CLOCK: variants seen among roughly 807,000 people sequenced by gnomAD.
The protein encoded by CLOCK is circadian locomoter output cycles protein kaput.
A neutral mutation model predicts 118.4 loss-of-function variants in CLOCK; 43 were observed. The ratio of observed to expected loss-of-function variants is 0.36; its 90% CI spans 0.28 to 0.47. The LOEUF (loss-of-function observed/expected upper bound fraction) is 0.47. CLOCK is among the 20% of genes least tolerant of loss of function. The pLI is 1.00. For synonymous variants in CLOCK, 326 were observed against 339.2 expected (o/e 0.96, Z 0.43); for missense variants, 846 against 999.9 (o/e 0.85, Z 2.08).
chr4:55,464,746 C>A (rs1020556735), intron 8 of CLOCK, among the ~76,000 whole-genome samples: 4 of 152,166 alleles, frequency 2.6e-5, no homozygotes, highest in Admixed American at 2.0e-4. Flanking sequence ...AAAAAACATA[C>A]AACAACAAAC....
intron 2 of CLOCK, among the ~76,000 whole-genome samples, chr4:55,504,832 A>G (rs528196817): frequency 7.9e-5 from 12 of 152,192 alleles, no homozygotes; most frequent in Non-Finnish European, 1.0e-4. Context: ...CCATATTACT[A>G]TAAAATAATT....
intron 1 of CLOCK, among the ~76,000 whole-genome samples, chr4:55,539,910 T>C (rs1731151585): frequency 6.6e-6 from 1 of 151,968 alleles, no homozygotes; most frequent in South Asian, 2.1e-4. Context: ...TAAGTATACA[T>C]ATACTTATGT....
At chr4:55,477,939 G>A (rs1369342714) in intron 6 of CLOCK, among the ~76,000 whole-genome samples, 2 of 152,030 alleles carry the variant, frequency 1.3e-5, no homozygotes, top group Admixed American at 6.6e-5. Context: ...ATAAGAAAAA[G>A]CTATTGCTTT....
intron 9 of CLOCK, among the ~76,000 whole-genome samples, chr4:55,461,328 A>G (rs190034652): frequency 1.3e-5 from 2 of 152,188 alleles, no homozygotes; most frequent in Admixed American, 6.5e-5. Context: ...TTAATCTCCC[A>G]AACCAGATGA....
intron 1 of CLOCK, among the ~76,000 whole-genome samples, chr4:55,538,168 G>A (rs972608459): frequency 2.6e-5 from 4 of 152,110 alleles, no homozygotes; most frequent in Non-Finnish European, 4.4e-5. Context: ...CAATAATAGA[G>A]TATTATAAGC....
intron 8 of CLOCK, among the ~76,000 whole-genome samples, chr4:55,469,865 C>T (rs898962885): frequency 6.6e-6 from 1 of 152,020 alleles, no homozygotes; most frequent in Non-Finnish European, 1.5e-5. Context: ...CATACCACGA[C>T]ACTTGGCTAA....
intron 13 of CLOCK, among the ~76,000 whole-genome samples, chr4:55,454,614 A>G (rs1004657367): frequency 2.4e-4 from 5 of 20,990 alleles, no homozygotes; most frequent in African/African-American, 7.1e-4. Context: ...ACTCCATCCC[A>G]AAAAAAAAAA....
chr4:55,499,818 C>A (rs147206040), intron 2 of CLOCK, among the ~76,000 whole-genome samples: 10 of 152,300 alleles, frequency 6.6e-5, no homozygotes, highest in Non-Finnish European at 1.3e-4. Context: ...GTTCCATGTA[C>A]GTGTAGCTCA....
At chr4:55,470,914 A>C in intron 7 of CLOCK, 108 bp from the exon 8 acceptor site, 4 of 762,092 alleles carry the variant, frequency 5.2e-6, no homozygotes. Context: ...AAATATCCAA[A>C]GTTCTGTCAA....
At chr4:55,444,436 C>T (rs1232025988) in intron 19 of CLOCK, among the ~76,000 whole-genome samples, 197 bp downstream of exon 19, 1 of 152,098 alleles carries the variant, frequency 6.6e-6, no homozygotes, top group Non-Finnish European at 1.5e-5. Flanking sequence ...AGGATGTTGA[C>T]AGAAATACCC....
chr4:55,468,819 A>G (rs915193718), intron 8 of CLOCK, among the ~76,000 whole-genome samples: 1 of 152,232 alleles, frequency 6.6e-6, no homozygotes, highest in African/African-American at 2.4e-5. Context: ...CTTGCACTGC[A>G]TAACAATGTT....
Position 55,444,671 on chromosome 4 carries a change from G to C in CLOCK, c.1654C>G (p.Gln552Glu). The change falls in exon 19 of 23, where the codon CAA becomes GAA. Residue 552 changes from glutamine (Q) to glutamate (E), a missense_variant. Physicochemically the swap from Gln to Glu is conservative, Grantham distance 29 (BLOSUM62 2). Coordinates refer to ENST00000513440, the MANE Select transcript of CLOCK (RefSeq NM_004898.4). ...CCATGGACCATCTGAAGTTGTTCTTGAATTTTTCTTAGTTCTTCTTGTTGC... is the reference window on the plus strand; with the variant it reads ...CCATGGACCATCTGAAGTTGTTCTTCAATTTTTCTTAGTTCTTCTTGTTGC... Reference protein sequence around the residue: ...HRQQEELRKIQEQLQMVHGQG... With the variant: ...HRQQEELRKIEEQLQMVHGQG... 1 of 1,614,026 alleles carries C rather than the reference G, an allele frequency of 6.2e-7. No individual in the cohort carries two copies. Among genetic ancestry groups the C allele is most frequent in the Non-Finnish European group, 8.5e-7 (1 of 1,179,988 alleles).
intron 1 of CLOCK, among the ~76,000 whole-genome samples, chr4:55,533,732 A>G (rs6554284): frequency 0.75 from 114,138 of 151,542 alleles, 43,291 homozygotes; most frequent in East Asian, 0.9. Context: ...GTGAAATCCC[A>G]TCTCTACTAA....
At chr4:55,453,236 CTA>C in intron 14 of CLOCK, 107 bp from the exon 15 acceptor site, 1 of 917,582 alleles carries the variant, frequency 1.1e-6, no homozygotes. Flanking sequence ...TTCATCTAGA[CTA>C]TTTGCTATGT....
At chr4:55,511,165 A>T (rs891649558) in intron 1 of CLOCK, among the ~76,000 whole-genome samples, 3 of 152,188 alleles carry the variant, frequency 2.0e-5, no homozygotes, top group Non-Finnish European at 4.4e-5. Flanking sequence ...ACAATTCTCA[A>T]CTAATAATTA....
At chr4:55,461,129 T>C (rs1287583907) in intron 9 of CLOCK, among the ~76,000 whole-genome samples, 1 of 152,126 alleles carries the variant, frequency 6.6e-6, no homozygotes, top group Non-Finnish European at 1.5e-5. Context: ...TGTTTCACCA[T>C]GTTGCCCATG....
rs766496924 is a variant in CLOCK at position 55,435,556 on chromosome 4, G to C, written c.2400C>G (p.Leu800=). The change falls in exon 23 of 23, where the codon CTC becomes CTG. Residue 800 remains leucine, a synonymous_variant. Coordinates refer to ENST00000513440, the MANE Select transcript of CLOCK (RefSeq NM_004898.4). ...GTAGAGGAAATGCAGCAGAGAGAAT[G>C]AGTTGAGTTGAGGGATTCCCATGGA... ...RLLHGNPSTQ[L]ILSAAFPLQQ... is the part of the protein sequence containing the mutation. The C allele has an allele frequency of 6.2e-7, 1 of 1,613,956 alleles. No homozygotes were observed. Among genetic ancestry groups the C allele is most frequent in the East Asian group, 2.2e-5 (1 of 44,870 alleles).
chr4:55,501,340 A>C (rs1728422390), intron 2 of CLOCK, among the ~76,000 whole-genome samples: 1 of 152,240 alleles, frequency 6.6e-6, no homozygotes, highest in Non-Finnish European at 1.5e-5. Context: ...ATTATTATGA[A>C]TTCTTGAATT....
rs1722499177 is a variant in CLOCK, at chr4:55,431,498, G to A, written c.*3917C>T. 1 of 152,126 alleles carries A rather than the reference G, an allele frequency of 6.6e-6. No individual in the cohort carries two copies. The highest frequency in any genetic ancestry group is 6.5e-5 in the Admixed American group (1 of 15,274). 9.4% of individuals were successfully genotyped at this position (152,126 alleles called of 1,614,324 possible). On this transcript the variant is annotated 3_prime_UTR_variant, in exon 23 of 23. Coordinates refer to ENST00000513440, the MANE Select transcript of CLOCK (RefSeq NM_004898.4). ...TCTCCAAACACTTAAAATGGCAAGT[G>A]CCTTTGTGCTGTTTCTTCTCTACCA...
Sources: allele counts gnomAD v4.1 joint callset (sites outside exome capture counted in the v4.1 genomes callset), GRCh38; gene constraint gnomAD v4.1.1; transcripts MANE v1.5; gene names NCBI Gene and HGNC (gene_info 2026-07-23, HGNC 2026-07-21).